CHD5: variants seen among roughly 807,000 people sequenced by gnomAD.
CHD5 encodes the protein chromodomain helicase DNA binding protein 5, also known as ATP-dependent chromatin remodeler CHD5.
CHD5 carries 69 observed loss-of-function variants against 230.3 expected under a neutral mutation model. The observed-to-expected ratio is 0.30, with a 90% CI of 0.25 to 0.37. CHD5 has a LOEUF of 0.37. CHD5 is among the 10% of genes least tolerant of loss of function. The pLI is 1.00. For missense variants in CHD5, 1,827 were observed against 2,622.8 expected, an observed-to-expected ratio of 0.70 and a Z score of 6.63; for synonymous variants, 1,064 against 1,065.9, an observed-to-expected ratio of 1.00 and a Z score of 0.03.
rs1667285929 is a variant in CHD5, at chr1:6,168,280, G to A, written c.80-3C>T. On this transcript the variant is annotated splice_region_variant and splice_polypyrimidine_tract_variant and intron_variant, in intron 1 of 41. Transcript: ENST00000262450. ...TTCAAGACCACCATCTTCTTCTTCT[G>A]GAAAAATCAGAAGGTGGCAGCAGTT... is the stretch of plus-strand genomic sequence containing the variant. 1 of 1,589,248 alleles carries A rather than the reference G, an allele frequency of 6.3e-7. No individual in the cohort carries two copies.
In CHD5 at chr1:6,124,524, C is replaced by T. The variant is rs1232326373; in HGVS notation, c.4532G>A (p.Arg1511Lys). 1 of 1,614,154 alleles carries T rather than the reference C, an allele frequency of 6.2e-7. No homozygotes were observed. Among genetic ancestry groups the T allele is most frequent in the Non-Finnish European group, 8.5e-7 (1 of 1,180,020 alleles). Reference protein sequence around the residue: ...LTRIGVMSLVRKKVQEFEHVN... With the variant: ...LTRIGVMSLVKKKVQEFEHVN... ...AGAGAGTTACTCACCCACCTTCTTC[C>T]TAACTAGTGACATGACCCCGATGCG... The change falls in exon 30 of 42, where the codon AGG (arginine) becomes AAG (lysine). Residue 1511 changes from arginine to lysine, a missense_variant. By Grantham distance (26) the Arg-to-Lys change is conservative (BLOSUM62 2). Coordinates refer to ENST00000262450, the MANE Select transcript of CHD5 (RefSeq NM_015557.3).
rs1334769810 is a variant in CHD5, at chr1:6,105,501, T to C, written c.*47-74A>G. On this transcript the variant is annotated intron_variant, in intron 41 of 41. Coordinates refer to ENST00000262450, the MANE Select transcript of CHD5 (RefSeq NM_015557.3). The surrounding 1 kb of genome is among the most constrained non-coding windows in gnomAD (Gnocchi z 4.8). ...CATCAGGGTGGCACCCAACAGCCTG[T>C]AGCTGCTTCTCCACCTATCACAACC... 1 of 430,520 alleles carries C rather than the reference T, an allele frequency of 2.3e-6. No individual in the cohort carries two copies. The highest frequency in any genetic ancestry group is 2.9e-5 in the Admixed American group (1 of 35,036). The allele number at this position is 430,520 out of a possible 1,614,324, so 26.7% of individuals were successfully genotyped here.
intron 1 of CHD5, among the ~76,000 whole-genome samples, chr1:6,179,253 G>A (rs370014424): frequency 6.6e-6 from 1 of 152,242 alleles, no homozygotes; most frequent in South Asian, 2.1e-4. Context: ...GCGATGGTGA[G>A]GCTGGAGACA....
chr1:6,111,051 G>A (rs561454615), intron 36 of CHD5, among the ~76,000 whole-genome samples: 9 of 151,994 alleles, frequency 5.9e-5, no homozygotes, highest in East Asian at 3.9e-4. Context: ...CCAACAAGGC[G>A]AAACCCCGTC....
intron 11 of CHD5, among the ~76,000 whole-genome samples, chr1:6,144,923 T>C (rs1281912659): frequency 6.6e-6 from 1 of 152,220 alleles, no homozygotes; most frequent in Non-Finnish European, 1.5e-5. Flanking sequence ...AATTGATTGT[T>C]TTGCAGATTG....
chr1:6,109,222 TG>T (rs1666245606), intron 38 of CHD5, among the ~76,000 whole-genome samples: 1 of 152,080 alleles, frequency 6.6e-6, no homozygotes, highest in African/African-American at 2.4e-5. Context: ...CAGGCCCTAC[TG>T]GGCACAGGAT....
chr1:6,136,091 T>C (rs984296704), intron 17 of CHD5, among the ~76,000 whole-genome samples: 7 of 151,776 alleles, frequency 4.6e-5, no homozygotes, highest in African/African-American at 1.7e-4. Flanking sequence ...AACCCCCCAT[T>C]CTGAGCAGGC....
In CHD5 at chr1:6,131,540, A is replaced by C. The variant is rs1201728149; in HGVS notation, c.3262+91T>G. 2 of 746,250 alleles carry C rather than the reference A, an allele frequency of 2.7e-6. No individual in the cohort carries two copies. Among genetic ancestry groups the C allele is most frequent in the African/African-American group, 1.7e-5 (1 of 57,890 alleles). The allele number at this position is 746,250 out of a possible 1,614,324, so 46.2% of individuals were successfully genotyped here. Reference sequence around the variant, plus strand: ...GCTGTTTGTGAGGCTGCTCAACACAACACCAGCTGGGTGACCTGGCTAAGA... The same window carrying C: ...GCTGTTTGTGAGGCTGCTCAACACACCACCAGCTGGGTGACCTGGCTAAGA... On this transcript the variant is annotated intron_variant, in intron 21 of 41. Coordinates refer to ENST00000262450, the MANE Select transcript of CHD5 (RefSeq NM_015557.3). The surrounding 1 kb of genome is among the most constrained non-coding windows in gnomAD (Gnocchi z 5.0).
chr1:6,131,576 G>T lies in CHD5; in HGVS notation c.3262+55C>A. 9.4e-7 allele frequency: 1 copy of T among 1,062,130 alleles called. No individual in the cohort carries two copies. The highest frequency in any genetic ancestry group is 1.5e-6 in the Non-Finnish European group (1 of 685,858). The allele number at this position is 1,062,130 out of a possible 1,614,324, so 65.8% of individuals were successfully genotyped here. On this transcript the variant is annotated intron_variant, in intron 21 of 41. Coordinates refer to ENST00000262450, the MANE Select transcript of CHD5 (RefSeq NM_015557.3). This position sits in a 1 kb window ranked among gnomAD's most constrained non-coding sequence, Gnocchi z 5.0. ...GTGACCTGGCTAAGAACCAGGCCTGGGAGAAGAGGCCAAAAAGGAGTCTCA... is the reference window on the plus strand; with the variant it reads ...GTGACCTGGCTAAGAACCAGGCCTGTGAGAAGAGGCCAAAAAGGAGTCTCA...
intron 9 of CHD5, among the ~76,000 whole-genome samples, chr1:6,147,902 G>A (rs1198171504): frequency 6.6e-6 from 1 of 152,066 alleles, no homozygotes; most frequent in African/African-American, 2.4e-5. Flanking sequence ...TCTTGGGGGA[G>A]TGGAAGAGGG....
intron 3 of CHD5, among the ~76,000 whole-genome samples, chr1:6,157,911 G>C (rs1427904817): frequency 6.6e-6 from 1 of 152,124 alleles, no homozygotes; most frequent in Non-Finnish European, 1.5e-5. Flanking sequence ...ATCACCCCAG[G>C]TGTCAGGACA....
At chr1:6,160,340 G>T (rs1667153171) in intron 2 of CHD5, among the ~76,000 whole-genome samples, 1 of 93,428 alleles carries the variant, frequency 1.1e-5, no homozygotes, top group Non-Finnish European at 2.2e-5. Flanking sequence ...CCCAGCAAGG[G>T]AAGAGCCCCA....
intron 1 of CHD5, among the ~76,000 whole-genome samples, chr1:6,178,235 C>T (rs1195291268): frequency 6.6e-6 from 1 of 152,138 alleles, no homozygotes; most frequent in Non-Finnish European, 1.5e-5. Flanking sequence ...AGAGCCCCGC[C>T]TCTCTGGCCC....
Position 6,104,348 on chromosome 1 carries a change from G to A in CHD5, c.*1126C>T, listed in dbSNP as rs2092507. ...CCCCTCCAGGCAGAACTCTCCCCACGCCTTCCAAGAGTGCAGCCTCAGGCA... is the reference window on the plus strand; with the variant it reads ...CCCCTCCAGGCAGAACTCTCCCCACACCTTCCAAGAGTGCAGCCTCAGGCA... On this transcript the variant is annotated 3_prime_UTR_variant, in exon 42 of 42. Transcript: ENST00000262450. 19,809 of 152,288 alleles carry A rather than the reference G, an allele frequency of 0.13. 1,367 individuals carry two copies. Among genetic ancestry groups the A allele is most frequent in the South Asian group, 0.2 (946 of 4,828 alleles). The allele number at this position is 152,288 out of a possible 1,614,324, so 9.4% of individuals were successfully genotyped here.
At position 6,121,119 on chromosome 1, in the gene CHD5, T is replaced by G; in HGVS notation, c.4898A>C (p.Glu1633Ala). 1.2e-6 allele frequency: 2 copies of G among 1,604,620 alleles called. No homozygotes were observed. Among genetic ancestry groups the G allele is most frequent in the East Asian group, 2.2e-5 (1 of 44,812 alleles). Reference sequence around the variant, plus strand: ...GAAGCCCCAACCTCTCGGCAGCTGCTCCGGGGAGGGCGGGGCCTTCTCCGT... The same window carrying G: ...GAAGCCCCAACCTCTCGGCAGCTGCGCCGGGGAGGGCGGGGCCTTCTCCGT... The part of the protein sequence containing the change: ...EETEKAPPSP[E>A]QLPREEVLPE... The change falls in exon 33 of 42, where the codon GAG becomes GCG. Residue 1633 changes from glutamate to alanine, a missense_variant. Around this residue, in one of 14 missense-constraint regions of CHD5, gnomAD observed 272 missense variants for 263.2 expected, o/e 1.03. Transcript: ENST00000262450. The surrounding 1 kb of genome is among the most constrained non-coding windows in gnomAD (Gnocchi z 4.5).
chr1:6,109,935 T>C lies in CHD5; in HGVS notation c.5438A>G (p.Asn1813Ser). The change falls in exon 38 of 42, where the codon AAC becomes AGC. Residue 1813 changes from asparagine to serine, a missense_variant. Coordinates refer to ENST00000262450, the MANE Select transcript of CHD5 (RefSeq NM_015557.3). ...EEQLRRAAYL[N>S]MTQDPNHPAM... Reference sequence around the variant, plus strand: ...GGGGTGGTTGGGGTCCTGCGTCATGTTCAGGTACGCGGCCCTCCGGAGCTG... The same window carrying C: ...GGGGTGGTTGGGGTCCTGCGTCATGCTCAGGTACGCGGCCCTCCGGAGCTG... 6.2e-7 allele frequency: 1 copy of C among 1,601,210 alleles called. No homozygotes were observed. The highest frequency in any genetic ancestry group is 8.5e-7 in the Non-Finnish European group (1 of 1,174,486).
chr1:6,149,057 A>G lies in CHD5; in HGVS notation c.1180T>C (p.Trp394Arg). The change falls in exon 9 of 42, where the codon TGG becomes CGG. Residue 394 changes from tryptophan (W) to arginine (R), a missense_variant. This residue lies in a region of CHD5 where 657 missense variants were observed against 816.4 expected (regional missense o/e 0.80). Coordinates refer to ENST00000262450, the MANE Select transcript of CHD5 (RefSeq NM_015557.3). ...CPHCEKEGIQ[W>R]EPKDDDDEEE... Reference sequence around the variant, plus strand: ...TCATCGTCGTCGTCCTTCGGCTCCCACTGGATCCCCTCCTTCTCCTGGGGG... The same window carrying G: ...TCATCGTCGTCGTCCTTCGGCTCCCGCTGGATCCCCTCCTTCTCCTGGGGG... 1 of 1,557,878 alleles carries G rather than the reference A, an allele frequency of 6.4e-7. No homozygotes were observed. Among genetic ancestry groups the G allele is most frequent in the Non-Finnish European group, 8.7e-7 (1 of 1,152,946 alleles).
At chr1:6,106,337 G>T (rs759348286) in intron 40 of CHD5, 50 bp from the exon 41 acceptor site, 1 of 1,612,332 alleles carries the variant, frequency 6.2e-7, no homozygotes, top group Non-Finnish European at 8.5e-7. Context: ...GCAGCAGCAG[G>T]CAGGCCGGGC....
chr1:6,160,170 C>T (rs1432770316), intron 2 of CHD5, among the ~76,000 whole-genome samples: 4 of 111,100 alleles, frequency 3.6e-5, no homozygotes, highest in Non-Finnish European at 5.3e-5. Flanking sequence ...GGAAGAGCCC[C>T]AGCCAGGGAA....
Sources: allele counts gnomAD v4.1 joint callset (sites outside exome capture counted in the v4.1 genomes callset), GRCh38; gene constraint gnomAD v4.1.1; regional missense constraint gnomAD v4.1.1; non-coding constraint Gnocchi (gnomAD v3.1); transcripts MANE v1.5; gene names NCBI Gene and HGNC (gene_info 2026-07-23, HGNC 2026-07-21).